NRXN3: variants seen among roughly 807,000 people sequenced by gnomAD.
The protein encoded by NRXN3 is neurexin III.
Under a neutral mutation model 137.6 loss-of-function variants are expected in NRXN3, and 32 were observed. The observed-to-expected ratio is 0.23, with a 90% confidence interval of 0.18 to 0.31. NRXN3 has a LOEUF of 0.31. Ranked by LOEUF, NRXN3 falls within the 10% of genes least tolerant of loss-of-function variation. The probability of loss-of-function intolerance (pLI) is 1.00; values close to 1 mark genes in which losing one functional copy is unlikely to be tolerated. For synonymous variants in NRXN3, 798 were observed against 784.5 expected, an observed-to-expected ratio of 1.02 and a Z score of -0.29; for missense variants, 1,574 against 2,062.5, an observed-to-expected ratio of 0.76 and a Z score of 4.59.
At chr14:79,329,743 A>G (rs529066306) in intron 15 of NRXN3, among the ~76,000 whole-genome samples, 1 of 152,318 alleles carries the variant, frequency 6.6e-6, no homozygotes, top group Non-Finnish European at 1.5e-5. Flanking sequence ...ATTTCAGAAG[A>G]AAGCCAATTA....
intron 20 of NRXN3, among the ~76,000 whole-genome samples, chr14:79,860,831 A>T (rs894752653): frequency 3.3e-5 from 5 of 152,172 alleles, no homozygotes; most frequent in African/African-American, 1.2e-4. Context: ...ATCTTTAAAA[A>T]ATCTAAGCCC....
chr14:78,514,466 C>A (rs554653815), intron 4 of NRXN3, among the ~76,000 whole-genome samples: 1 of 152,078 alleles, frequency 6.6e-6, no homozygotes, highest in South Asian at 2.1e-4. Context: ...GAAGGTAGAC[C>A]CTTTGTGCCA....
At chr14:78,464,961 C>T (rs2095054060) in intron 4 of NRXN3, among the ~76,000 whole-genome samples, 1 of 152,144 alleles carries the variant, frequency 6.6e-6, no homozygotes. Flanking sequence ...ATTAGATTTT[C>T]ACATGCTTTA....
intron 20 of NRXN3, among the ~76,000 whole-genome samples, chr14:79,838,162 G>T (rs1384010959): frequency 6.6e-6 from 1 of 152,104 alleles, no homozygotes. Flanking sequence ...ATACTTAAAA[G>T]TCATAAAGTA....
intron 8 of NRXN3, among the ~76,000 whole-genome samples, chr14:78,742,940 A>C (rs1303117013): frequency 6.6e-6 from 1 of 152,184 alleles, no homozygotes; most frequent in Non-Finnish European, 1.5e-5. Context: ...CAATTCAATA[A>C]TTAAGGTCTA....
At chr14:79,488,418 G>A (rs1049130575) in intron 16 of NRXN3, among the ~76,000 whole-genome samples, 1 of 152,200 alleles carries the variant, frequency 6.6e-6, no homozygotes, top group Admixed American at 6.5e-5. Context: ...GTGGCAACAA[G>A]AGTGTGTGTG....
At position 79,556,028 on chromosome 14, in the gene NRXN3, G is replaced by T. The variant is rs148346880; in HGVS notation, c.3444+88626G>T. Among the ~76,000 whole-genome samples the T allele has an allele frequency of 3.3e-5, 5 of 152,250 alleles. No individual in the cohort carries two copies. In the East Asian group the frequency reaches 9.7e-4, roughly 29 times the overall value. ...AAATTGCCCCAGAAAGAGAACACAG[G>T]CCCCTCTCTTCAGCAACAGGGTGTG... On this transcript the variant is annotated intron_variant, in intron 16 of 20. Coordinates refer to ENST00000335750, the MANE Select transcript of NRXN3 (RefSeq NM_001330195.2).
At chr14:78,432,067 G>A (rs1033312251) in intron 4 of NRXN3, among the ~76,000 whole-genome samples, 1 of 152,040 alleles carries the variant, frequency 6.6e-6, no homozygotes, top group Admixed American at 6.6e-5. Flanking sequence ...GAGTTAGAGG[G>A]GCCCATGAGA....
At position 78,948,648 on chromosome 14, in the gene NRXN3, T is replaced by A. The variant is rs2099376259; in HGVS notation, c.2276-8594T>A. 2.7e-5 allele frequency among the ~76,000 whole-genome samples: 4 copies of A among 147,128 alleles called. No individual in the cohort carries two copies. The South Asian group carries it at 8.8e-4, about 32-fold the overall frequency. ...TTTAACTTTTTTTTTTTTTTTTTTT[T>A]TTTTGCTTTATTAATAGGTTCTGTA... On this transcript the variant is annotated intron_variant, in intron 10 of 20. Coordinates refer to ENST00000335750, the MANE Select transcript of NRXN3 (RefSeq NM_001330195.2).
At chr14:79,059,407 G>A (rs897302984) in intron 15 of NRXN3, among the ~76,000 whole-genome samples, 9 of 151,702 alleles carry the variant, frequency 5.9e-5, no homozygotes, top group African/African-American at 1.2e-4. Flanking sequence ...ACAGGCGCCC[G>A]CCACCACACC....
intron 15 of NRXN3, among the ~76,000 whole-genome samples, chr14:79,038,808 G>A (rs1329644854): frequency 5.3e-5 from 8 of 152,068 alleles, no homozygotes; most frequent in Admixed American, 1.3e-4. Flanking sequence ...AAGTACAGGC[G>A]AGCAGGAATC....
intron 15 of NRXN3, among the ~76,000 whole-genome samples, chr14:79,392,449 ACATACATGT>A (rs1438790041): frequency 4.6e-5 from 7 of 152,200 alleles, no homozygotes; most frequent in Admixed American, 4.6e-4. Flanking sequence ...GCTGCAATAA[ACATACATGT>A]GCTTGTGTCT....
rs546152749 is a variant in NRXN3 at position 78,694,260 on chromosome 14, A to G, written c.1222-14957A>G. 9.5e-4 allele frequency among the ~76,000 whole-genome samples: 144 copies of G among 152,134 alleles called. 1 individual carries two copies. The highest frequency in any genetic ancestry group is 1.7e-3 in the Non-Finnish European group (114 of 67,978). On this transcript the variant is annotated intron_variant, in intron 6 of 20. Coordinates refer to ENST00000335750, the MANE Select transcript of NRXN3 (RefSeq NM_001330195.2). ...AGTATTTTTTAATCTTTGTATTTCCATAGAGCATGACACTCAATAAATATA... is the reference window on the plus strand; with the variant it reads ...AGTATTTTTTAATCTTTGTATTTCCGTAGAGCATGACACTCAATAAATATA...
intron 15 of NRXN3, among the ~76,000 whole-genome samples, chr14:79,436,055 G>A (rs753430252): frequency 6.6e-6 from 1 of 152,128 alleles, no homozygotes; most frequent in Non-Finnish European, 1.5e-5. Context: ...TCTGACCACT[G>A]CCTCCATGTG....
intron 1 of NRXN3, among the ~76,000 whole-genome samples, chr14:78,198,687 CT>C: frequency 6.6e-6 from 1 of 152,342 alleles, no homozygotes; most frequent in Non-Finnish European, 1.5e-5. Flanking sequence ...TGGAGGGGAC[CT>C]TTGCTTCTTG....
At chr14:78,431,632 A>T (rs532901742) in intron 4 of NRXN3, among the ~76,000 whole-genome samples, 59 of 152,240 alleles carry the variant, frequency 3.9e-4, no homozygotes, top group African/African-American at 1.3e-3. Context: ...TGGTCTTCAT[A>T]TGATAGGTAG....
At chr14:78,280,093 C>A (rs1287573704) in intron 3 of NRXN3, among the ~76,000 whole-genome samples, 1 of 152,124 alleles carries the variant, frequency 6.6e-6, no homozygotes, top group Admixed American at 6.5e-5. Context: ...TATTTTAGTT[C>A]AATCGCTCAG....
At chr14:79,242,674 G>T (rs977396150) in intron 15 of NRXN3, among the ~76,000 whole-genome samples, 2 of 152,058 alleles carry the variant, frequency 1.3e-5, no homozygotes, top group Non-Finnish European at 2.9e-5. Context: ...TCCTCTCTGG[G>T]TCTTCTGATA....
intron 4 of NRXN3, among the ~76,000 whole-genome samples, chr14:78,638,299 C>G (rs751107212): frequency 5.3e-5 from 8 of 151,898 alleles, no homozygotes; most frequent in Non-Finnish European, 8.8e-5. Context: ...TTGCTCAGGG[C>G]GACACAATTT....
Sources: gnomAD v4.1 joint callset for allele counts (sites outside exome capture counted in the v4.1 genomes callset) on GRCh38, gnomAD v4.1.1 for gene constraint, MANE v1.5 for transcripts, NCBI Gene and HGNC (gene_info 2026-07-23, HGNC 2026-07-21) for gene names.